Variants in GNA12 observed in about 807,000 individuals in gnomAD.
The protein encoded by GNA12 is G protein subunit alpha 12.
A neutral mutation model predicts 26.0 loss-of-function variants in GNA12; 9 were observed. The ratio of observed to expected loss-of-function variants is 0.35; its 90% CI spans 0.21 to 0.60. The LOEUF (loss-of-function observed/expected upper bound fraction) is 0.60. Ranked by LOEUF, GNA12 falls within the 20% of genes least tolerant of loss-of-function variation. The pLI is 0.78. For synonymous variants in GNA12, 264 were observed against 219.6 expected (o/e 1.20, Z -1.79); for missense variants, 405 against 525.8 (o/e 0.77, Z 2.25).
At position 2,806,457 on chromosome 7, in the gene GNA12, C is replaced by CAAAAA. The variant is rs34036056; in HGVS notation, c.310-11319_310-11315dup. ...TGGGGGATAGAGCGAGACTCTGTCT[C>CAAAAA]AAAAAAAAAAAAAAAAAAAAAGAAA... is the stretch of plus-strand genomic sequence containing the variant. On this transcript the variant is annotated intron_variant, in intron 1 of 3. Coordinates refer to ENST00000275364, the MANE Select transcript of GNA12 (RefSeq NM_007353.3). Among the ~76,000 whole-genome samples the CAAAAA allele has an allele frequency of 7.7e-3, 620 of 80,432 alleles. 2 individuals carry two copies. Among genetic ancestry groups the CAAAAA allele is most frequent in the African/African-American group, 0.018 (354 of 20,076 alleles). The allele number at this position is 80,432 out of a possible 152,430, so 52.8% of individuals were successfully genotyped here.
At chr7:2,796,772 G>T (rs777423728) in intron 1 of GNA12, among the ~76,000 whole-genome samples, 14 of 152,146 alleles carry the variant, frequency 9.2e-5, no homozygotes, top group Non-Finnish European at 2.1e-4. Flanking sequence ...AGGGTCAAAG[G>T]GATGAAGAAA....
chr7:2,795,200 C>A, intron 1 of GNA12, 57 bp from the exon 2 acceptor site: 1 of 1,301,750 alleles, frequency 7.7e-7, no homozygotes. Context: ...CTAAACCACG[C>A]TAGAGAAGCT....
chr7:2,835,624 G>C (rs1778816146), intron 1 of GNA12: 1 of 753,236 alleles, frequency 1.3e-6, no homozygotes, highest in South Asian at 1.5e-5. Context: ...TCCCGAGATG[G>C]TGGCCACCAT....
At chr7:2,732,015 C>T (rs1789922373) in intron 3 of GNA12, among the ~76,000 whole-genome samples, 1 of 152,192 alleles carries the variant, frequency 6.6e-6, no homozygotes, top group Non-Finnish European at 1.5e-5. Flanking sequence ...AGCGCAAAAC[C>T]ACATCCATTT....
Position 2,816,332 on chromosome 7 carries a change from G to A in GNA12, c.310-21189C>T, listed in dbSNP as rs572042451. On this transcript the variant is annotated intron_variant, in intron 1 of 3. Coordinates refer to ENST00000275364, the MANE Select transcript of GNA12 (RefSeq NM_007353.3). ...TGCGACCACCACCTCCCTAGTTCAA[G>A]CGATTCTTCTGCCTCAGCCTCCCAA... Among the ~76,000 whole-genome samples, 4 of 151,376 alleles carry A rather than the reference G, an allele frequency of 2.6e-5. 1 individual carries two copies. The highest frequency in any genetic ancestry group is 9.7e-5 in the African/African-American group (4 of 41,264).
intron 1 of GNA12, among the ~76,000 whole-genome samples, chr7:2,820,205 T>C (rs1397505325): frequency 1.3e-5 from 2 of 152,108 alleles, no homozygotes; most frequent in African/African-American, 4.8e-5. Context: ...GAAAGTGGGC[T>C]GGTGGCCGCC....
At chr7:2,838,446 T>C (rs1336675755) in intron 1 of GNA12, among the ~76,000 whole-genome samples, 2 of 152,014 alleles carry the variant, frequency 1.3e-5, no homozygotes, top group Non-Finnish European at 2.9e-5. Flanking sequence ...TAGCTGGGTG[T>C]GGTGGTGCAC....
intron 2 of GNA12, among the ~76,000 whole-genome samples, chr7:2,751,428 G>GA (rs1482649328): frequency 4.7e-5 from 7 of 148,626 alleles, no homozygotes; most frequent in Admixed American, 1.3e-4. Flanking sequence ...TTATAGAAGA[G>GA]AAAAAATGAT....
At chr7:2,775,038 C>T (rs1792042826) in intron 2 of GNA12, among the ~76,000 whole-genome samples, 1 of 152,186 alleles carries the variant, frequency 6.6e-6, no homozygotes, top group African/African-American at 2.4e-5. Flanking sequence ...TTGGACTTTT[C>T]ACTATGTGAT....
intron 2 of GNA12, chr7:2,763,021 A>C: frequency 7.8e-7 from 1 of 1,278,900 alleles, no homozygotes; most frequent in Non-Finnish European, 9.9e-7. Flanking sequence ...CCCGCCGGCC[A>C]CTGGCCCAGG....
At chr7:2,816,240 C>CTT (rs71026563) in intron 1 of GNA12, among the ~76,000 whole-genome samples, 13 of 148,434 alleles carry the variant, frequency 8.8e-5, no homozygotes, top group Admixed American at 2.7e-4. Flanking sequence ...TCACCAAATC[C>CTT]TTTTTTTTTG....
At chr7:2,768,798 T>C (rs1235932489) in intron 2 of GNA12, among the ~76,000 whole-genome samples, 1 of 152,222 alleles carries the variant, frequency 6.6e-6, no homozygotes, top group Non-Finnish European at 1.5e-5. Flanking sequence ...TTTGTTTCTG[T>C]ATTTAATATG....
chr7:2,783,841 T>C lies in GNA12; in HGVS notation c.525+11087A>G, dbSNP rs916165448. ...GTGGGATTACAGGCACCCACCACCA[T>C]GTCTGGCTTATTTTTGTATTTTTAG... On this transcript the variant is annotated intron_variant, in intron 2 of 3. Transcript: ENST00000275364. Among the ~76,000 whole-genome samples, 6 of 152,000 alleles carry C rather than the reference T, an allele frequency of 3.9e-5. No individual in the cohort carries two copies. The South Asian group carries it at 1.0e-3, about 26-fold the overall frequency.
chr7:2,830,608 A>AG (rs1392137233), intron 1 of GNA12, among the ~76,000 whole-genome samples: 1 of 152,162 alleles, frequency 6.6e-6, no homozygotes, highest in Non-Finnish European at 1.5e-5. Context: ...CCCCGAGCAA[A>AG]GGGGGATAAG....
chr7:2,800,571 A>G (rs1792784554), intron 1 of GNA12, among the ~76,000 whole-genome samples: 1 of 152,226 alleles, frequency 6.6e-6, no homozygotes, highest in South Asian at 2.1e-4. Flanking sequence ...TACTTATTTC[A>G]AAATAAAAAG....
chr7:2,738,786 A>G (rs979321391), intron 2 of GNA12, among the ~76,000 whole-genome samples: 60 of 152,342 alleles, frequency 3.9e-4, no homozygotes, highest in Middle Eastern at 6.8e-3. Context: ...TAGGACAATA[A>G]GGTTAGAGGC....
intron 2 of GNA12, among the ~76,000 whole-genome samples, chr7:2,743,687 G>T (rs2115336734): frequency 6.6e-6 from 1 of 152,286 alleles, no homozygotes; most frequent in South Asian, 2.1e-4. Context: ...CAGACAGTGG[G>T]CGCAGCGCAC....
chr7:2,774,883 T>C (rs1300993691), intron 2 of GNA12, among the ~76,000 whole-genome samples: 1 of 152,222 alleles, frequency 6.6e-6, no homozygotes, highest in Non-Finnish European at 1.5e-5. Context: ...GGTTGACTCA[T>C]GCACAGTGGT....
chr7:2,747,012 T>C (rs1465529329), intron 2 of GNA12, among the ~76,000 whole-genome samples: 1 of 152,154 alleles, frequency 6.6e-6, no homozygotes, highest in Non-Finnish European at 1.5e-5. Flanking sequence ...GGCTCTGAAA[T>C]TGAGGCAATA....
Sources: allele counts gnomAD v4.1 joint callset (sites outside exome capture counted in the v4.1 genomes callset), GRCh38; gene constraint gnomAD v4.1.1; transcripts MANE v1.5; gene names NCBI Gene and HGNC (gene_info 2026-07-23, HGNC 2026-07-21).